ZFPM2: variants seen among roughly 807,000 people sequenced by gnomAD.
ZFPM2 encodes zinc finger protein, FOG family member 2, also known as zinc finger protein ZFPM2.
In ZFPM2, 20 loss-of-function variants were observed where a neutral mutation model predicts 98.6. The ratio of observed to expected loss-of-function variants is 0.20; its 90% CI spans 0.14 to 0.29. ZFPM2 has a LOEUF of 0.29. ZFPM2 is among the 10% of genes least tolerant of loss of function. ZFPM2 has a pLI of 1.00. For missense variants in ZFPM2, 1,310 were observed against 1,388.6 expected (o/e 0.94, Z 0.90); for synonymous variants, 518 against 502.7 (o/e 1.03, Z -0.41).
chr8:105,648,093 C>G (rs1285716879), intron 5 of ZFPM2, among the ~76,000 whole-genome samples: 1 of 152,164 alleles, frequency 6.6e-6, no homozygotes, highest in African/African-American at 2.4e-5. Flanking sequence ...GATGGTATCT[C>G]ATTGTGGTTT....
intron 3 of ZFPM2, among the ~76,000 whole-genome samples, chr8:105,523,098 G>T (rs1814097691): frequency 6.6e-6 from 1 of 151,956 alleles, no homozygotes; most frequent in Non-Finnish European, 1.5e-5. Context: ...ATCTGAAATG[G>T]GCTTAAAATT....
At chr8:105,399,434 G>A (rs1461761147) in intron 1 of ZFPM2, among the ~76,000 whole-genome samples, 1 of 152,094 alleles carries the variant, frequency 6.6e-6, no homozygotes, top group African/African-American at 2.4e-5. Flanking sequence ...TGATGGATTC[G>A]ATGTGTGCCT....
At chr8:105,536,704 A>T (rs1436093320) in intron 3 of ZFPM2, among the ~76,000 whole-genome samples, 1 of 152,162 alleles carries the variant, frequency 6.6e-6, no homozygotes, top group Admixed American at 6.6e-5. Context: ...CATTAGCATG[A>T]TGAGTGCTAG....
intron 4 of ZFPM2, among the ~76,000 whole-genome samples, chr8:105,619,968 T>C (rs1816500713): frequency 6.6e-6 from 1 of 152,194 alleles, no homozygotes; most frequent in Non-Finnish European, 1.5e-5. Context: ...TCTTTGGTCT[T>C]GTGAATAGTG....
intron 4 of ZFPM2, among the ~76,000 whole-genome samples, chr8:105,617,878 A>G (rs1816452721): frequency 6.6e-6 from 1 of 152,212 alleles, no homozygotes; most frequent in South Asian, 2.1e-4. Context: ...TAAAAATAAA[A>G]TATTAAAAAG....
chr8:105,648,333 G>T (rs1393987329), intron 5 of ZFPM2, among the ~76,000 whole-genome samples: 5 of 152,150 alleles, frequency 3.3e-5, no homozygotes, highest in Non-Finnish European at 5.9e-5. Flanking sequence ...TAGGTTGCCT[G>T]TTCACTCCGA....
intron 4 of ZFPM2, among the ~76,000 whole-genome samples, chr8:105,626,588 G>A (rs918556624): frequency 6.6e-6 from 1 of 151,988 alleles, no homozygotes; most frequent in South Asian, 2.1e-4. Context: ...ATTCCTAAGG[G>A]CAAGGAAATG....
chr8:105,414,026 A>G lies in ZFPM2; in HGVS notation c.41-5118A>G, dbSNP rs1394791862. Among the ~76,000 whole-genome samples the G allele has an allele frequency of 2.6e-5, 4 of 152,040 alleles. No individual in the cohort carries two copies. In the East Asian group the frequency reaches 7.8e-4, roughly 29 times the overall value. On this transcript the variant is annotated intron_variant, in intron 1 of 7. Transcript: ENST00000407775. Reference sequence around the variant, plus strand: ...TTCATCCCACCTGTCAGTTGCAATCAAGGCTGCCCAGTATTCTGAAACAAT... The same window carrying G: ...TTCATCCCACCTGTCAGTTGCAATCGAGGCTGCCCAGTATTCTGAAACAAT...
chr8:105,467,740 TAC>T, intron 3 of ZFPM2, among the ~76,000 whole-genome samples: 1 of 151,968 alleles, frequency 6.6e-6, no homozygotes, highest in Non-Finnish European at 1.5e-5. Flanking sequence ...CACATACACA[TAC>T]ACACACACAT....
At chr8:105,596,916 G>A (rs1182407246) in intron 4 of ZFPM2, among the ~76,000 whole-genome samples, 4 of 151,366 alleles carry the variant, frequency 2.6e-5, no homozygotes, top group South Asian at 2.1e-4. Flanking sequence ...CCTTCCTTTC[G>A]TCTTGTTTCT....
At chr8:105,575,658 AG>A (rs1440572265) in intron 4 of ZFPM2, among the ~76,000 whole-genome samples, 3 of 152,222 alleles carry the variant, frequency 2.0e-5, no homozygotes, top group African/African-American at 7.2e-5. Flanking sequence ...TAGTCAATCC[AG>A]GTCAAAAAGA....
rs1388654867 is a variant in ZFPM2, at chr8:105,788,829, C to A, written c.644C>A (p.Thr215Lys). Residue 215 changes from threonine (T) to lysine (K), a missense_variant, in exon 6 of 8, where the codon ACA (threonine) becomes AAA (lysine). Thr to Lys is a moderately conservative substitution (Grantham distance 78, BLOSUM62 -1). Transcript: ENST00000407775. ...RLQAASQMTL[T>K]EGMYPARLLD... Reference sequence around the variant, plus strand: ...CAAGCTGCCAGTCAGATGACTCTCACAGAAGGGATGTACCCTGCACGCCTG... The same window carrying A: ...CAAGCTGCCAGTCAGATGACTCTCAAAGAAGGGATGTACCCTGCACGCCTG... 2 of 1,613,976 alleles carry A rather than the reference C, an allele frequency of 1.2e-6. No individual in the cohort carries two copies. The highest frequency in any genetic ancestry group is 1.7e-6 in the Non-Finnish European group (2 of 1,179,880).
intron 1 of ZFPM2, among the ~76,000 whole-genome samples, chr8:105,412,817 A>G (rs1811603395): frequency 1.3e-5 from 2 of 151,792 alleles, no homozygotes; most frequent in South Asian, 4.1e-4. Flanking sequence ...GATATGCATG[A>G]GACAAATGTA....
At chr8:105,712,301 G>A (rs1190840993) in intron 5 of ZFPM2, among the ~76,000 whole-genome samples, 1 of 152,064 alleles carries the variant, frequency 6.6e-6, no homozygotes, top group Non-Finnish European at 1.5e-5. Flanking sequence ...AGACATAGTG[G>A]TGAACAAAAG....
intron 3 of ZFPM2, among the ~76,000 whole-genome samples, chr8:105,550,415 A>G (rs569563725): frequency 5.3e-5 from 8 of 152,318 alleles, no homozygotes; most frequent in African/African-American, 1.7e-4. Flanking sequence ...AGGGTCAGAA[A>G]ACCAGAATTG....
chr8:105,470,557 C>T (rs919680889), intron 3 of ZFPM2, among the ~76,000 whole-genome samples: 1 of 152,068 alleles, frequency 6.6e-6, no homozygotes, highest in African/African-American at 2.4e-5. Flanking sequence ...GGGCAGATCA[C>T]CTGAGAGGTC....
At chr8:105,505,822 T>C (rs974281323) in intron 3 of ZFPM2, among the ~76,000 whole-genome samples, 1 of 152,188 alleles carries the variant, frequency 6.6e-6, no homozygotes, top group African/African-American at 2.4e-5. Context: ...ATGGCTATTG[T>C]ATAAAGAAAT....
At chr8:105,384,312 C>T (rs1430047374) in intron 1 of ZFPM2, among the ~76,000 whole-genome samples, 6 of 152,066 alleles carry the variant, frequency 3.9e-5, no homozygotes, top group African/African-American at 1.4e-4. Flanking sequence ...CTCAACTTCG[C>T]CACTGAGATA....
chr8:105,791,315 G>T (rs1448493839), intron 6 of ZFPM2, among the ~76,000 whole-genome samples: 3 of 152,064 alleles, frequency 2.0e-5, no homozygotes, highest in Admixed American at 2.0e-4. Flanking sequence ...GTTGAATTTT[G>T]TCAAAGGCCT....
Sources: gnomAD v4.1 joint callset for allele counts (sites outside exome capture counted in the v4.1 genomes callset) on GRCh38, gnomAD v4.1.1 for gene constraint, MANE v1.5 for transcripts, NCBI Gene and HGNC (gene_info 2026-07-23, HGNC 2026-07-21) for gene names.